The following GADL1 variants were observed in gnomAD, a reference collection of about 807,000 sequenced individuals.
The protein encoded by GADL1 is GAD like acidic amino acid decarboxylase 1.
Under a neutral mutation model 69.5 loss-of-function variants are expected in GADL1, and 71 were observed. The observed-to-expected ratio is 1.02, with a 90% CI of 0.84 to 1.25. The LOEUF (loss-of-function observed/expected upper bound fraction) is 1.25. Ranked by LOEUF, GADL1 falls within the 50% of genes most tolerant of loss-of-function variation. GADL1 has a pLI of 0.00. For missense variants in GADL1, 737 were observed against 631.8 expected (o/e 1.17, Z -1.79); for synonymous variants, 254 against 214.4 (o/e 1.18, Z -1.62).
chr3:30,737,978 T>C (rs771584398), intron 14 of GADL1, among the ~76,000 whole-genome samples: 19 of 152,132 alleles, frequency 1.2e-4, no homozygotes, highest in Non-Finnish European at 2.4e-4. Context: ...CTAATGTCAG[T>C]CATATATTCA....
intron 1 of GADL1, among the ~76,000 whole-genome samples, chr3:30,887,995 C>T (rs1037417374): frequency 3.3e-5 from 5 of 152,170 alleles, no homozygotes; most frequent in Non-Finnish European, 5.9e-5. Context: ...ATAATATTTG[C>T]ATATAACCTA....
At chr3:30,892,268 T>C (rs1698796794) in intron 1 of GADL1, among the ~76,000 whole-genome samples, 1 of 152,218 alleles carries the variant, frequency 6.6e-6, no homozygotes, top group African/African-American at 2.4e-5. Context: ...CCGTAATGTA[T>C]AGGTCTGTAA....
chr3:30,782,396 G>A lies in GADL1; in HGVS notation c.1302+3959C>T, dbSNP rs183944609. Reference sequence around the variant, plus strand: ...GGAGTGGAGAAGACTAAGCATTCAAGATATACTTAGCGGGGAAGAAAAGGA... The same window carrying A: ...GGAGTGGAGAAGACTAAGCATTCAAAATATACTTAGCGGGGAAGAAAAGGA... On this transcript the variant is annotated intron_variant, in intron 13 of 14. Transcript: ENST00000282538. Among the ~76,000 whole-genome samples the A allele has an allele frequency of 2.2e-3, 336 of 152,204 alleles. 9 individuals carry two copies. The highest frequency in any genetic ancestry group is 3.9e-4 in the East Asian group (2 of 5,172).
intron 14 of GADL1, among the ~76,000 whole-genome samples, chr3:30,766,210 A>G (rs932440962): frequency 6.6e-6 from 1 of 152,210 alleles, no homozygotes; most frequent in East Asian, 1.9e-4. Context: ...AAGAATGAAG[A>G]GGTGGTAGAA....
chr3:30,844,150 C>A lies in GADL1; in HGVS notation c.786+60G>T, dbSNP rs968840029. 3.1e-6 allele frequency: 4 copies of A among 1,310,566 alleles called. No homozygotes were observed. The Admixed American group carries it at 6.1e-5, about 20-fold the overall frequency. The allele number at this position is 1,310,566 out of a possible 1,614,324, so 81.2% of individuals were successfully genotyped here. On this transcript the variant is annotated intron_variant, in intron 8 of 14. Transcript: ENST00000282538. Reference sequence around the variant, plus strand: ...CTTGCTATTCCCTCTCTTTCATAAGCGCGCGGGCGTGCGCGCACACACACA... The same window carrying A: ...CTTGCTATTCCCTCTCTTTCATAAGAGCGCGGGCGTGCGCGCACACACACA...
intron 11 of GADL1, among the ~76,000 whole-genome samples, chr3:30,807,859 C>T (rs1350766021): frequency 6.6e-6 from 1 of 151,716 alleles, no homozygotes; most frequent in Non-Finnish European, 1.5e-5. Context: ...TGGCGAAACA[C>T]CATCTCTACT....
Position 30,728,010 on chromosome 3 carries a change from C to A in GADL1, c.*232G>T, listed in dbSNP as rs1649491551. 2 of 414,658 alleles carry A rather than the reference C, an allele frequency of 4.8e-6. No individual in the cohort carries two copies. The highest frequency in any genetic ancestry group is 4.0e-5 in the African/African-American group (2 of 50,162). The allele number at this position is 414,658 out of a possible 1,614,324, so 25.7% of individuals were successfully genotyped here. A position where few individuals can be genotyped will look rare whatever the true frequency, so the allele number is the denominator to read the frequency against. On this transcript the variant is annotated 3_prime_UTR_variant, in exon 15 of 15. Transcript: ENST00000282538. ...TCAGAGCTGTGTTCCAGGGGCATTCCTTGAGAAAATCATTTTTTTTTTTAA... is the reference window on the plus strand; with the variant it reads ...TCAGAGCTGTGTTCCAGGGGCATTCATTGAGAAAATCATTTTTTTTTTTAA...
chr3:30,878,113 C>T (rs1575245872), intron 1 of GADL1, among the ~76,000 whole-genome samples: 1 of 151,920 alleles, frequency 6.6e-6, no homozygotes, highest in African/African-American at 2.4e-5. Flanking sequence ...TTAGCCCTGA[C>T]TCTGGCCCCC....
chr3:30,840,486 C>G (rs1697948109), intron 8 of GADL1, among the ~76,000 whole-genome samples: 1 of 152,172 alleles, frequency 6.6e-6, no homozygotes, highest in Non-Finnish European at 1.5e-5. Context: ...AACTTCTTCC[C>G]TGTATTCAAA....
At chr3:30,740,379 G>A (rs767631908) in intron 14 of GADL1, among the ~76,000 whole-genome samples, 1 of 152,150 alleles carries the variant, frequency 6.6e-6, no homozygotes, top group Non-Finnish European at 1.5e-5. Context: ...TGCTCTTGGA[G>A]TCTGGCATTC....
rs1205109233 is a variant in GADL1, at chr3:30,850,954, A to G, written c.429-13T>C. 3 of 1,400,114 alleles carry G rather than the reference A, an allele frequency of 2.1e-6. No homozygotes were observed. The South Asian group carries it at 3.7e-5, about 17-fold the overall frequency. The allele number at this position is 1,400,114 out of a possible 1,614,324, so 86.7% of individuals were successfully genotyped here. A position where few individuals can be genotyped will look rare whatever the true frequency, so the allele number is the denominator to read the frequency against. ...CTCATACGTATAACTAGATAGATAT[A>G]AAAAACACTTCACTTCTATGACTAG... On this transcript the variant is annotated splice_polypyrimidine_tract_variant and intron_variant, in intron 4 of 14. Transcript: ENST00000282538.
intron 14 of GADL1, among the ~76,000 whole-genome samples, chr3:30,753,923 G>A (rs1244231659): frequency 1.3e-5 from 2 of 152,084 alleles, no homozygotes; most frequent in Non-Finnish European, 2.9e-5. Flanking sequence ...TCCAGAAGAG[G>A]GAAGCAATTG....
chr3:30,815,363 A>G (rs1697449382), intron 11 of GADL1, among the ~76,000 whole-genome samples: 1 of 152,194 alleles, frequency 6.6e-6, no homozygotes, highest in Non-Finnish European at 1.5e-5. Flanking sequence ...ATGTGATGAC[A>G]TTTACGATTC....
At chr3:30,790,102 G>T (rs1053663543) in intron 12 of GADL1, among the ~76,000 whole-genome samples, 3 of 152,130 alleles carry the variant, frequency 2.0e-5, no homozygotes, top group Admixed American at 6.6e-5. Context: ...ACCATTTCTA[G>T]ATTATTTGAA....
chr3:30,873,583 T>C (rs1575243956), intron 1 of GADL1, among the ~76,000 whole-genome samples: 1 of 151,990 alleles, frequency 6.6e-6, no homozygotes, highest in African/African-American at 2.4e-5. Context: ...CAATAAGCGA[T>C]TATCTTAGAA....
At chr3:30,789,390 A>C (rs1696867086) in intron 12 of GADL1, among the ~76,000 whole-genome samples, 1 of 152,184 alleles carries the variant, frequency 6.6e-6, no homozygotes, top group Non-Finnish European at 1.5e-5. Context: ...ATGTGCTGTC[A>C]CAGGCTTTGT....
rs894401145 is a variant in GADL1 at position 30,778,093 on chromosome 3, T to TA, written c.1392+85dup. 10 of 778,308 alleles carry TA rather than the reference T, an allele frequency of 1.3e-5. No individual in the cohort carries two copies. The African/African-American group carries it at 1.4e-4, about 11-fold the overall frequency. 48.2% of individuals were successfully genotyped at this position (778,308 alleles called of 1,614,324 possible). ...CTTCTCTAGATAATTCTGTGCTTGC[T>TA]AGGCCCTCTTATTTATAGGATCAAC... On this transcript the variant is annotated intron_variant, in intron 14 of 14. Transcript: ENST00000282538.
chr3:30,852,211 A>G (rs1379918565), intron 4 of GADL1, among the ~76,000 whole-genome samples: 1 of 152,164 alleles, frequency 6.6e-6, no homozygotes, highest in Non-Finnish European at 1.5e-5. Context: ...ATGTTATGCC[A>G]TCTTAAAAAT....
At position 30,850,933 on chromosome 3, in the gene GADL1, T is replaced by C. The variant is rs1698137199; in HGVS notation, c.437A>G (p.Tyr146Cys). Residue 146 changes from tyrosine to cysteine, a missense_variant, in exon 5 of 15, where the codon TAT becomes TGT. Tyr to Cys is a radical substitution (Grantham distance 194). Coordinates refer to ENST00000282538, the MANE Select transcript of GADL1 (RefSeq NM_207359.3). The part of the protein sequence containing the change: ...TEALNPSVYT[Y>C]EVSPVFLLVE... ...TAACAGAAACACTGGGGACACCTCATACGTATAACTAGATAGATATAAAAA... is the reference window on the plus strand; with the variant it reads ...TAACAGAAACACTGGGGACACCTCACACGTATAACTAGATAGATATAAAAA... The C allele has an allele frequency of 6.6e-7, 1 of 1,519,820 alleles. No homozygotes were observed. Among genetic ancestry groups the C allele is most frequent in the African/African-American group, 1.4e-5 (1 of 72,462 alleles). The allele number at this position is 1,519,820 out of a possible 1,614,324, so 94.1% of individuals were successfully genotyped here.
Sources: gnomAD v4.1 joint callset for allele counts (sites outside exome capture counted in the v4.1 genomes callset) on GRCh38, gnomAD v4.1.1 for gene constraint, MANE v1.5 for transcripts, NCBI Gene and HGNC (gene_info 2026-07-23, HGNC 2026-07-21) for gene names.